The following KCNB2 variants were observed in gnomAD, a reference collection of about 807,000 sequenced individuals.
KCNB2 encodes potassium voltage-gated channel subfamily B member 2.
KCNB2 carries 15 observed loss-of-function variants against 61.5 expected under a neutral mutation model. The ratio of observed to expected loss-of-function variants is 0.24; its 90% confidence interval spans 0.16 to 0.38. The LOEUF (loss-of-function observed/expected upper bound fraction) is 0.38, where lower values mean the gene tolerates loss of function less well. Among genes scored for constraint, KCNB2 ranks in the 10% least tolerant of loss-of-function variants. The pLI is 1.00. For synonymous variants in KCNB2, 457 were observed against 446.0 expected (o/e 1.02, Z -0.31); for missense variants, 828 against 1,125.2 (o/e 0.74, Z 3.78).
At chr8:72,905,949 GAC>G (rs1244551891) in intron 2 of KCNB2, among the ~76,000 whole-genome samples, 53 of 152,132 alleles carry the variant, frequency 3.5e-4, no homozygotes, top group Admixed American at 3.5e-3. Context: ...CCATAGCAGG[GAC>G]AATTTCAAGC....
intron 2 of KCNB2, among the ~76,000 whole-genome samples, chr8:72,797,058 G>GAT (rs1439327851): frequency 2.0e-5 from 3 of 152,086 alleles, no homozygotes; most frequent in Non-Finnish European, 4.4e-5. Context: ...GACCTCTCCA[G>GAT]GTCAATAACG....
intron 2 of KCNB2, among the ~76,000 whole-genome samples, chr8:72,780,627 G>A: frequency 6.6e-6 from 1 of 151,976 alleles, no homozygotes; most frequent in East Asian, 1.9e-4. Flanking sequence ...TATCATTGAT[G>A]GGCACTTCGA....
At chr8:72,673,944 T>G (rs1346916844) in intron 2 of KCNB2, among the ~76,000 whole-genome samples, 1 of 152,206 alleles carries the variant, frequency 6.6e-6, no homozygotes, top group Non-Finnish European at 1.5e-5. Context: ...AAATGGTGAT[T>G]TTTATGTTAG....
At chr8:72,792,039 G>A (rs1041487968) in intron 2 of KCNB2, among the ~76,000 whole-genome samples, 27 of 152,170 alleles carry the variant, frequency 1.8e-4, no homozygotes, top group Non-Finnish European at 5.9e-5. Flanking sequence ...CATGGTTCAT[G>A]TTTACTATAG....
At chr8:72,602,427 A>C (rs1356403112) in intron 2 of KCNB2, among the ~76,000 whole-genome samples, 1 of 152,094 alleles carries the variant, frequency 6.6e-6, no homozygotes, top group African/African-American at 2.4e-5. Context: ...AGGACTGTGC[A>C]TTTTGTATTA....
chr8:72,807,986 C>A (rs1809250659), intron 2 of KCNB2, among the ~76,000 whole-genome samples: 1 of 152,152 alleles, frequency 6.6e-6, no homozygotes. Flanking sequence ...ATGAAAAGAG[C>A]TGAAATATTG....
chr8:72,689,418 A>C (rs73307895), intron 2 of KCNB2, among the ~76,000 whole-genome samples: 6,416 of 152,326 alleles, frequency 0.042, 184 homozygotes, highest in African/African-American at 0.082. Context: ...TTTACAAATC[A>C]TAAAATTCAC....
At chr8:72,653,726 G>A (rs775466889) in intron 2 of KCNB2, among the ~76,000 whole-genome samples, 10 of 152,114 alleles carry the variant, frequency 6.6e-5, no homozygotes, top group South Asian at 2.1e-4. Flanking sequence ...AAGTTGAATC[G>A]TCATGACAGA....
At chr8:72,694,329 G>A (rs946447415) in intron 2 of KCNB2, among the ~76,000 whole-genome samples, 4 of 152,120 alleles carry the variant, frequency 2.6e-5, no homozygotes, top group Admixed American at 2.6e-4. Flanking sequence ...CTTTCTTCTT[G>A]TCTCTCCAAC....
At chr8:72,929,563 T>C (rs551941999) in intron 2 of KCNB2, among the ~76,000 whole-genome samples, 2 of 152,308 alleles carry the variant, frequency 1.3e-5, no homozygotes, top group East Asian at 1.9e-4. Flanking sequence ...AAAATTTACT[T>C]TGGACGTTCA....
chr8:72,656,136 G>A (rs952864838), intron 2 of KCNB2, among the ~76,000 whole-genome samples: 2 of 151,990 alleles, frequency 1.3e-5, no homozygotes, highest in African/African-American at 2.4e-5. Context: ...CTTCACCCCC[G>A]TACTTTCAAT....
At chr8:72,784,086 T>C (rs1471542674) in intron 2 of KCNB2, among the ~76,000 whole-genome samples, 2 of 152,190 alleles carry the variant, frequency 1.3e-5, no homozygotes, top group Non-Finnish European at 2.9e-5. Context: ...TTGGGAAATA[T>C]TTAATATATT....
intron 2 of KCNB2, among the ~76,000 whole-genome samples, chr8:72,843,764 C>CT (rs956219908): frequency 1.4e-4 from 22 of 151,848 alleles, no homozygotes; most frequent in Non-Finnish European, 2.6e-4. Context: ...GCAACCCCTG[C>CT]TTTTTTTTGC....
intron 2 of KCNB2, among the ~76,000 whole-genome samples, chr8:72,839,702 T>A (rs1809846529): frequency 7.2e-6 from 1 of 139,798 alleles, no homozygotes; most frequent in Admixed American, 8.1e-5. Context: ...AAGCTCCGCC[T>A]CCCGGGTTCA....
rs2129009663 is a variant in KCNB2 at position 72,938,207 on chromosome 8, T to G, written c.*116T>G. On this transcript the variant is annotated 3_prime_UTR_variant, in exon 3 of 3. Transcript: ENST00000523207. The stretch of plus-strand genomic sequence containing the variant: ...AATGGGAAGCCCTCCCCAAAAAAAG[T>G]GCATAAAATGTTATTTTTGCATGGC... 1.3e-6 allele frequency: 1 copy of G among 760,378 alleles called. No individual in the cohort carries two copies. The highest frequency in any genetic ancestry group is 2.6e-5 in the East Asian group (1 of 38,242). The allele number at this position is 760,378 out of a possible 1,614,324, so 47.1% of individuals were successfully genotyped here. A position where few individuals can be genotyped will look rare whatever the true frequency, so the allele number is the denominator to read the frequency against.
At chr8:72,551,774 C>T (rs556240145) in intron 1 of KCNB2, among the ~76,000 whole-genome samples, 27 of 152,314 alleles carry the variant, frequency 1.8e-4, no homozygotes, top group African/African-American at 6.3e-4. Context: ...TATCAGCATC[C>T]TTTGCAAGAA....
chr8:72,621,055 G>A (rs988372158), intron 2 of KCNB2, among the ~76,000 whole-genome samples: 8 of 152,156 alleles, frequency 5.3e-5, no homozygotes, highest in Non-Finnish European at 1.2e-4. Context: ...TTCCAGAATA[G>A]GAAATATTAA....
intron 2 of KCNB2, among the ~76,000 whole-genome samples, chr8:72,649,765 A>T (rs1196518531): frequency 6.6e-6 from 1 of 152,150 alleles, no homozygotes; most frequent in African/African-American, 2.4e-5. Context: ...CCCCTAAACA[A>T]CATGATCTTT....
At chr8:72,585,554 G>C (rs936470928) in intron 2 of KCNB2, among the ~76,000 whole-genome samples, 1 of 152,118 alleles carries the variant, frequency 6.6e-6, no homozygotes, top group Non-Finnish European at 1.5e-5. Context: ...TTTTTCTAGA[G>C]ACAGGGTCTC....
Sources: allele counts gnomAD v4.1 joint callset (sites outside exome capture counted in the v4.1 genomes callset), GRCh38; gene constraint gnomAD v4.1.1; transcripts MANE v1.5; gene names NCBI Gene and HGNC (gene_info 2026-07-23, HGNC 2026-07-21).